The following SIPA1L3 variants were observed in gnomAD, a reference collection of about 807,000 sequenced individuals.
The protein encoded by SIPA1L3 is signal induced proliferation associated 1 like 3, also known as signal-induced proliferation-associated 1-like protein 3.
In SIPA1L3, 59 loss-of-function variants were observed where a neutral mutation model predicts 150.1. That is an observed-to-expected ratio of 0.39 (90% CI 0.32 to 0.49). The LOEUF is 0.49. Ranked by LOEUF, SIPA1L3 falls within the 20% of genes least tolerant of loss-of-function variation. SIPA1L3 has a pLI of 0.86. For synonymous variants in SIPA1L3, 1,070 were observed against 1,077.6 expected (o/e 0.99, Z 0.14); for missense variants, 2,211 against 2,489.5 (o/e 0.89, Z 2.38).
At chr19:38,000,424 C>T (rs762411220) in intron 1 of SIPA1L3, among the ~76,000 whole-genome samples, 9 of 147,810 alleles carry the variant, frequency 6.1e-5, no homozygotes, top group East Asian at 2.0e-4. Flanking sequence ...GCCTAGATCA[C>T]GCTACTGCAT....
chr19:37,922,190 A>G lies in SIPA1L3; in HGVS notation c.-379+14832A>G, dbSNP rs138940042. Among the ~76,000 whole-genome samples, 857 of 152,140 alleles carry G rather than the reference A, an allele frequency of 5.6e-3. 10 individuals carry two copies. Among genetic ancestry groups the G allele is most frequent in the African/African-American group, 0.02 (829 of 41,482 alleles). ...ACCTCGGCCCCACCGGGTTCAAGCA[A>G]TTCTCCTGCCTCAGCCTCCCTACTA... On this transcript the variant is annotated intron_variant, in intron 1 of 21. Transcript: ENST00000222345.
Position 38,150,577 on chromosome 19 carries a change from G to T in SIPA1L3, c.3534-2263G>T, listed in dbSNP as rs548327095. ...AAATGGAGTCTTGTTCTGTTGTCCA[G>T]GCTGGAGCGCAGTGGCACAGTCTTG... On this transcript the variant is annotated intron_variant, in intron 12 of 21. Transcript: ENST00000222345. 7.4e-5 allele frequency among the ~76,000 whole-genome samples: 11 copies of T among 147,914 alleles called. No individual in the cohort carries two copies. The South Asian group carries it at 1.5e-3, about 20-fold the overall frequency.
At chr19:37,963,439 C>A (rs1490998864) in intron 1 of SIPA1L3, among the ~76,000 whole-genome samples, 1 of 152,368 alleles carries the variant, frequency 6.6e-6, no homozygotes, top group South Asian at 2.1e-4. Flanking sequence ...CTGGCTCCAG[C>A]CAGATCGTAA....
chr19:37,959,616 A>G (rs1028926328), intron 1 of SIPA1L3, among the ~76,000 whole-genome samples: 2 of 152,230 alleles, frequency 1.3e-5, no homozygotes, highest in Non-Finnish European at 2.9e-5. Flanking sequence ...ATGGTGAATT[A>G]CACACTTTTA....
chr19:38,079,269 C>T (rs966100539), intron 2 of SIPA1L3, among the ~76,000 whole-genome samples: 1 of 152,152 alleles, frequency 6.6e-6, no homozygotes, highest in African/African-American at 2.4e-5. Context: ...GGAGGCGGAG[C>T]TTGCAGTGAG....
intron 18 of SIPA1L3, among the ~76,000 whole-genome samples, chr19:38,195,080 G>A (rs1234805550): frequency 6.6e-6 from 1 of 150,392 alleles, no homozygotes; most frequent in Non-Finnish European, 1.5e-5. Flanking sequence ...CTGCAGCTCC[G>A]TTGCCTTGGC....
intron 16 of SIPA1L3, among the ~76,000 whole-genome samples, chr19:38,191,925 C>T (rs1462577891): frequency 6.6e-6 from 1 of 152,154 alleles, no homozygotes; most frequent in Non-Finnish European, 1.5e-5. Flanking sequence ...GTCCCCAGCA[C>T]CTGGGACAGG....
chr19:38,155,008 G>A (rs991147856), intron 13 of SIPA1L3, among the ~76,000 whole-genome samples: 11 of 152,022 alleles, frequency 7.2e-5, no homozygotes, highest in Non-Finnish European at 1.2e-4. Flanking sequence ...TGATCCACCC[G>A]CTTCGGCTTC....
At chr19:38,050,230 T>C (rs1599954307) in intron 2 of SIPA1L3, among the ~76,000 whole-genome samples, 1 of 152,098 alleles carries the variant, frequency 6.6e-6, no homozygotes, top group Admixed American at 6.5e-5. Context: ...CCGAGGCAGG[T>C]GGATCACTTG....
chr19:38,150,591 G>A (rs1971799035), intron 12 of SIPA1L3, among the ~76,000 whole-genome samples: 1 of 149,908 alleles, frequency 6.7e-6, no homozygotes, highest in Non-Finnish European at 1.5e-5. Context: ...GGAGCGCAGT[G>A]GCACAGTCTT....
At chr19:37,954,087 A>G (rs1334236212) in intron 1 of SIPA1L3, among the ~76,000 whole-genome samples, 4 of 152,194 alleles carry the variant, frequency 2.6e-5, no homozygotes, top group Non-Finnish European at 1.5e-5. Flanking sequence ...GTTAGATAAA[A>G]AAAAGTTTTT....
chr19:38,086,343 G>A (rs1970131653), intron 3 of SIPA1L3, among the ~76,000 whole-genome samples: 2 of 151,794 alleles, frequency 1.3e-5, no homozygotes, highest in Middle Eastern at 3.4e-3. Flanking sequence ...AAAAAAAAAA[G>A]CCGTTTTCTT....
At chr19:38,062,068 G>A (rs556348637) in intron 2 of SIPA1L3, among the ~76,000 whole-genome samples, 3 of 151,824 alleles carry the variant, frequency 2.0e-5, no homozygotes, top group African/African-American at 7.3e-5. Context: ...GATGTATCGC[G>A]TGCTTGCCAT....
intron 9 of SIPA1L3, among the ~76,000 whole-genome samples, chr19:38,123,983 C>A (rs181514862): frequency 6.9e-6 from 1 of 145,200 alleles, no homozygotes; most frequent in Non-Finnish European, 1.5e-5. Flanking sequence ...CAACCCCCCC[C>A]CACCTCCCTC....
intron 2 of SIPA1L3, among the ~76,000 whole-genome samples, chr19:38,034,341 G>T (rs1968730186): frequency 6.6e-6 from 1 of 152,178 alleles, no homozygotes; most frequent in African/African-American, 2.4e-5. Context: ...ATCTCATTCA[G>T]TTCTTGTAAC....
At chr19:38,045,543 G>A (rs940725661) in intron 2 of SIPA1L3, among the ~76,000 whole-genome samples, 6 of 152,140 alleles carry the variant, frequency 3.9e-5, no homozygotes, top group Non-Finnish European at 8.8e-5. Flanking sequence ...CTGCACTCCA[G>A]CCTGGGTGAC....
At chr19:38,145,973 C>T (rs981399294) in intron 12 of SIPA1L3, among the ~76,000 whole-genome samples, 1 of 152,098 alleles carries the variant, frequency 6.6e-6, no homozygotes, top group Non-Finnish European at 1.5e-5. Context: ...AGCAGTCCTC[C>T]CATCTCAGCT....
chr19:38,058,491 C>T (rs1243407435), intron 2 of SIPA1L3, among the ~76,000 whole-genome samples: 1 of 152,158 alleles, frequency 6.6e-6, no homozygotes, highest in African/African-American at 2.4e-5. Context: ...TGTCCTGAAA[C>T]TGCCTCTGTG....
chr19:38,162,037 A>G (rs1972100522), intron 13 of SIPA1L3, among the ~76,000 whole-genome samples: 1 of 152,182 alleles, frequency 6.6e-6, no homozygotes, highest in Admixed American at 6.5e-5. Flanking sequence ...GAGAGAGGGA[A>G]ATGGGATATT....
Sources: allele counts gnomAD v4.1 joint callset (sites outside exome capture counted in the v4.1 genomes callset), GRCh38; gene constraint gnomAD v4.1.1; transcripts MANE v1.5; gene names NCBI Gene and HGNC (gene_info 2026-07-23, HGNC 2026-07-21).